Variants in RGS7 observed in about 807,000 individuals in gnomAD.
The protein encoded by RGS7 is regulator of G-protein signaling 7.
Under a neutral mutation model 81.1 loss-of-function variants are expected in RGS7, and 27 were observed. The ratio of observed to expected loss-of-function variants is 0.33; its 90% CI spans 0.25 to 0.46. The LOEUF is 0.46. Among genes scored for constraint, RGS7 ranks in the 20% least tolerant of loss-of-function variants. The probability of loss-of-function intolerance (pLI) is 1.00; values close to 1 mark genes in which losing one functional copy is unlikely to be tolerated. For synonymous variants in RGS7, 208 were observed against 207.7 expected, an observed-to-expected ratio of 1.00 and a Z score of -0.01; for missense variants, 396 against 607.4, an observed-to-expected ratio of 0.65 and a Z score of 3.66.
intron 3 of RGS7, among the ~76,000 whole-genome samples, chr1:240,996,827 T>C (rs1452304166): frequency 6.6e-6 from 1 of 152,246 alleles, no homozygotes; most frequent in African/African-American, 2.4e-5. Flanking sequence ...TGATGGTATA[T>C]TTAATGTAAT....
At chr1:240,807,746 T>C (rs1221593655) in intron 14 of RGS7, among the ~76,000 whole-genome samples, 1 of 152,060 alleles carries the variant, frequency 6.6e-6, no homozygotes, top group Non-Finnish European at 1.5e-5. Flanking sequence ...ATAGGAATAC[T>C]ATGCGAGGCT....
At chr1:241,053,057 GA>G (rs2148812225) in intron 3 of RGS7, among the ~76,000 whole-genome samples, 1 of 152,184 alleles carries the variant, frequency 6.6e-6, no homozygotes, top group South Asian at 2.1e-4. Context: ...CAATCACACT[GA>G]AAATATCTCT....
At chr1:240,922,435 A>T (rs1229926272) in intron 6 of RGS7, among the ~76,000 whole-genome samples, 2 of 152,098 alleles carry the variant, frequency 1.3e-5, no homozygotes, top group Non-Finnish European at 2.9e-5. Flanking sequence ...CTGAAAGACA[A>T]ACTACAGACT....
chr1:241,343,957 T>TCCCTTACC (rs2082727635), intron 2 of RGS7, among the ~76,000 whole-genome samples: 1 of 152,192 alleles, frequency 6.6e-6, no homozygotes, highest in African/African-American at 2.4e-5. Flanking sequence ...GTAAGAGGTG[T>TCCCTTACC]CCCTTACCTA....
intron 9 of RGS7, among the ~76,000 whole-genome samples, chr1:240,829,834 T>G (rs1693514595): frequency 6.6e-6 from 1 of 152,058 alleles, no homozygotes; most frequent in African/African-American, 2.4e-5. Flanking sequence ...AAGAGCCAAG[T>G]ATGATAAGAT....
intron 18 of RGS7, among the ~76,000 whole-genome samples, chr1:240,784,501 C>T (rs1684707624): frequency 6.6e-6 from 1 of 151,060 alleles, no homozygotes; most frequent in Admixed American, 6.6e-5. Flanking sequence ...AAAGAATTAG[C>T]CGGGCGTGGT....
intron 9 of RGS7, among the ~76,000 whole-genome samples, chr1:240,839,103 A>G (rs893012111): frequency 1.3e-5 from 2 of 152,204 alleles, no homozygotes; most frequent in African/African-American, 4.8e-5. Context: ...CTATGAGGCT[A>G]GATGATCCCA....
intron 2 of RGS7, among the ~76,000 whole-genome samples, chr1:241,313,979 T>C (rs1300393463): frequency 6.6e-6 from 1 of 152,136 alleles, no homozygotes; most frequent in South Asian, 2.1e-4. Flanking sequence ...TGTAATCTCA[T>C]GAAAAAACTT....
At chr1:240,915,696 A>G (rs544597091) in intron 6 of RGS7, among the ~76,000 whole-genome samples, 2 of 152,310 alleles carry the variant, frequency 1.3e-5, no homozygotes, top group African/African-American at 2.4e-5. Flanking sequence ...CAACAAAAAA[A>G]ATTCCAAGGC....
chr1:240,906,465 C>T (rs1392778005), intron 6 of RGS7, among the ~76,000 whole-genome samples: 1 of 152,190 alleles, frequency 6.6e-6, no homozygotes, highest in Non-Finnish European at 1.5e-5. Context: ...GATTCTAGGT[C>T]CTCCGTATAA....
intron 3 of RGS7, among the ~76,000 whole-genome samples, chr1:240,990,772 T>C (rs972831046): frequency 6.6e-6 from 1 of 152,218 alleles, no homozygotes; most frequent in Non-Finnish European, 1.5e-5. Flanking sequence ...CAAAGGTCAA[T>C]GGAAACAAAA....
At chr1:240,983,232 T>G in intron 3 of RGS7, 103 bp from the exon 4 acceptor site, 1 of 577,828 alleles carries the variant, frequency 1.7e-6, no homozygotes. Flanking sequence ...AGAAGGAACT[T>G]TTCTAATTGT....
At chr1:240,930,872 T>G in intron 5 of RGS7, 104 bp from the exon 6 acceptor site, 1 of 1,126,326 alleles carries the variant, frequency 8.9e-7, no homozygotes, top group Non-Finnish European at 1.4e-6. Flanking sequence ...TATATTAGTT[T>G]GCTATATGTT....
intron 6 of RGS7, among the ~76,000 whole-genome samples, chr1:240,914,094 A>C (rs1412784936): frequency 7.5e-6 from 1 of 133,962 alleles, no homozygotes; most frequent in South Asian, 2.5e-4. Context: ...TGATGATGAG[A>C]TATTCCTGGT....
At chr1:241,120,285 C>T (rs1460907155) in intron 2 of RGS7, among the ~76,000 whole-genome samples, 2 of 152,176 alleles carry the variant, frequency 1.3e-5, no homozygotes, top group Non-Finnish European at 2.9e-5. Context: ...TTCTCATACA[C>T]CTTGCTCTCT....
intron 18 of RGS7, among the ~76,000 whole-genome samples, chr1:240,789,282 T>TGTC (rs1685568605): frequency 6.6e-6 from 1 of 152,208 alleles, no homozygotes. Flanking sequence ...GGAGGATGTA[T>TGTC]GTCGCCTCAG....
intron 2 of RGS7, among the ~76,000 whole-genome samples, chr1:241,279,609 A>G (rs1309928098): frequency 6.6e-6 from 1 of 152,218 alleles, no homozygotes; most frequent in Non-Finnish European, 1.5e-5. Context: ...AAAGTATAGT[A>G]AAATATCACA....
intron 6 of RGS7, among the ~76,000 whole-genome samples, chr1:240,890,273 CT>C (rs1403589759): frequency 1.3e-5 from 2 of 152,130 alleles, no homozygotes; most frequent in Non-Finnish European, 2.9e-5. Context: ...CTGCCTCAGC[CT>C]CCTGAGTAGC....
chr1:240,880,066 G>A (rs148527513), intron 6 of RGS7, among the ~76,000 whole-genome samples: 247 of 152,240 alleles, frequency 1.6e-3, no homozygotes, highest in African/African-American at 5.6e-3. Context: ...ATTTGAGACA[G>A]GGCCTCCCTC....
Sources: allele counts gnomAD v4.1 joint callset (sites outside exome capture counted in the v4.1 genomes callset), GRCh38; gene constraint gnomAD v4.1.1; transcripts MANE v1.5; gene names NCBI Gene and HGNC (gene_info 2026-07-23, HGNC 2026-07-21).